Variants in RXRA observed in about 807,000 individuals in gnomAD.
RXRA encodes the protein retinoic acid receptor RXR-alpha.
In RXRA, 5 loss-of-function variants were observed where a neutral mutation model predicts 44.5. The ratio of observed to expected loss-of-function variants is 0.11; its 90% CI spans 0.06 to 0.24. RXRA has a LOEUF of 0.24. Ranked by LOEUF, RXRA falls within the 10% of genes least tolerant of loss-of-function variation. The pLI is 1.00. For missense variants in RXRA, 412 were observed against 646.5 expected (o/e 0.64, Z 3.93); for synonymous variants, 291 against 271.4 (o/e 1.07, Z -0.71).
intron 1 of RXRA, among the ~76,000 whole-genome samples, chr9:134,334,715 A>G (rs562527807): frequency 3.3e-5 from 5 of 152,208 alleles, no homozygotes; most frequent in Non-Finnish European, 7.4e-5. Flanking sequence ...TTGTTCTGAT[A>G]TGCTGTTGGC....
At chr9:134,425,002 G>A in intron 6 of RXRA, 1 of 985,446 alleles carries the variant, frequency 1.0e-6, no homozygotes, top group Non-Finnish European at 1.2e-6. Context: ...ACTTCCGCTG[G>A]GCGACAGCAA....
rs373840125 is a variant in RXRA, at chr9:134,391,038, C to G, written c.29-10594C>G. ...CTGGACTCTGTCCACCGCGTGGCCC[C>G]GGTGGCCATGCCCTGCCTATTCTAA... On this transcript the variant is annotated intron_variant, in intron 1 of 9. Transcript: ENST00000481739. 9.7e-4 allele frequency among the ~76,000 whole-genome samples: 148 copies of G among 152,176 alleles called. 1 individual carries two copies. In the East Asian group the frequency reaches 0.013, roughly 14 times the overall value.
chr9:134,409,444 TC>T (rs1341182251), intron 4 of RXRA, among the ~76,000 whole-genome samples: 3 of 152,152 alleles, frequency 2.0e-5, no homozygotes, highest in Non-Finnish European at 2.9e-5. Context: ...CCAGGGGTGG[TC>T]CCGGGCCAGC....
At chr9:134,436,380 A>C in intron 9 of RXRA, 87 bp from the exon 10 acceptor site, 2 of 1,362,986 alleles carry the variant, frequency 1.5e-6, no homozygotes, top group Non-Finnish European at 2.0e-6. Flanking sequence ...GGTATCAGAC[A>C]CAGCCCCATC....
At position 134,365,003 on chromosome 9, in the gene RXRA, G is replaced by C. The variant is rs531081536; in HGVS notation, c.29-36629G>C. Among the ~76,000 whole-genome samples, 1 of 152,380 alleles carries C rather than the reference G, an allele frequency of 6.6e-6. No homozygotes were observed. Among genetic ancestry groups the C allele is most frequent in the South Asian group, 2.1e-4 (1 of 4,830 alleles). ...CTTACTTATGAGGAGGCTGATGCTA[G>C]AGAGGGGTGTGCCCTGTCCCGGTTG... On this transcript the variant is annotated intron_variant, in intron 1 of 9. Transcript: ENST00000481739. The surrounding 1 kb of genome is among the most constrained non-coding windows in gnomAD (Gnocchi z 4.0).
At chr9:134,387,777 T>C (rs1412006246) in intron 1 of RXRA, among the ~76,000 whole-genome samples, 1 of 152,222 alleles carries the variant, frequency 6.6e-6, no homozygotes, top group East Asian at 1.9e-4. Context: ...CTGGTGACCA[T>C]GAGCCTGTCC....
intron 1 of RXRA, among the ~76,000 whole-genome samples, chr9:134,389,823 C>T (rs932371140): frequency 4.6e-5 from 7 of 152,146 alleles, no homozygotes; most frequent in South Asian, 2.1e-4. Flanking sequence ...CCCTTCCTTC[C>T]GAGGCCCCTG....
chr9:134,367,616 T>C (rs1395802075), intron 1 of RXRA, among the ~76,000 whole-genome samples: 2 of 152,186 alleles, frequency 1.3e-5, no homozygotes, highest in Non-Finnish European at 2.9e-5. Context: ...GCGGTGACCC[T>C]CGCCGGCTGG....
chr9:134,378,465 G>A (rs534118106), intron 1 of RXRA, among the ~76,000 whole-genome samples: 3 of 152,248 alleles, frequency 2.0e-5, no homozygotes, highest in South Asian at 2.1e-4. Context: ...GCCTGGTCCC[G>A]AAGGGTCCTG....
intron 1 of RXRA, among the ~76,000 whole-genome samples, chr9:134,355,962 G>T (rs963516408): frequency 6.6e-6 from 1 of 152,056 alleles, no homozygotes; most frequent in African/African-American, 2.4e-5. Flanking sequence ...CTGAGGGGGT[G>T]GGGGGCAGCT....
chr9:134,361,100 C>A (rs1219832483), intron 1 of RXRA, among the ~76,000 whole-genome samples: 1 of 152,242 alleles, frequency 6.6e-6, no homozygotes, highest in Non-Finnish European at 1.5e-5. Context: ...TGGCCCTTCG[C>A]TGTCAGACTG....
In RXRA at chr9:134,436,564, A is replaced by G; in HGVS notation, c.1339A>G (p.Ile447Val). The G allele has an allele frequency of 6.2e-7, 1 of 1,614,158 alleles. No individual in the cohort carries two copies. The highest frequency in any genetic ancestry group is 8.5e-7 in the Non-Finnish European group (1 of 1,180,028). Residue 447 changes from isoleucine to valine, a missense_variant, in exon 10 of 10, where the codon ATT becomes GTT. Around this residue, in one of 4 missense-constraint regions of RXRA, gnomAD observed 141 missense variants for 270.8 expected, o/e 0.52. Transcript: ENST00000481739. ...CTTCAAGCTCATCGGGGACACACCC[A>G]TTGACACCTTCCTTATGGAGATGCT... The part of the protein sequence containing the change: ...FFFKLIGDTP[I>V]DTFLMEMLEA...
intron 1 of RXRA, among the ~76,000 whole-genome samples, chr9:134,331,289 C>G (rs1835001012): frequency 6.6e-6 from 1 of 152,218 alleles, no homozygotes; most frequent in Non-Finnish European, 1.5e-5. Context: ...GAAATTGCGC[C>G]CTAGAGTTAC....
chr9:134,388,312 C>T (rs913754699), intron 1 of RXRA, among the ~76,000 whole-genome samples: 4 of 23,512 alleles, frequency 1.7e-4, no homozygotes, highest in African/African-American at 7.2e-4. Context: ...TGTGCATTTG[C>T]GTGCACAGGC....
intron 1 of RXRA, among the ~76,000 whole-genome samples, chr9:134,336,114 G>A (rs976785935): frequency 6.6e-6 from 1 of 152,186 alleles, no homozygotes; most frequent in African/African-American, 2.4e-5. Flanking sequence ...CGGGGCCTTC[G>A]TCAGGGGTGC....
chr9:134,430,666 T>C, intron 7 of RXRA, among the ~76,000 whole-genome samples: 1 of 152,284 alleles, frequency 6.6e-6, no homozygotes, highest in Non-Finnish European at 1.5e-5. Flanking sequence ...CAGGGTGCAG[T>C]GTGCAGTGTG....
chr9:134,331,097 T>C (rs149215165), intron 1 of RXRA, among the ~76,000 whole-genome samples: 4 of 152,136 alleles, frequency 2.6e-5, no homozygotes, highest in African/African-American at 9.7e-5. Context: ...TCTGTGGATA[T>C]AGGCCTGCCA....
At position 134,439,392 on chromosome 9, in the gene RXRA, A is replaced by T. The variant is rs1831690152; in HGVS notation, c.*2778A>T. ...AGGCTCAGGAGTGAAGATGCCACAGAGCCGGGCTCCCCTAGGCTGCGTCGG... is the reference window on the plus strand; with the variant it reads ...AGGCTCAGGAGTGAAGATGCCACAGTGCCGGGCTCCCCTAGGCTGCGTCGG... On this transcript the variant is annotated 3_prime_UTR_variant, in exon 10 of 10. Coordinates refer to ENST00000481739, the MANE Select transcript of RXRA (RefSeq NM_002957.6). 6.6e-6 allele frequency: 1 copy of T among 152,154 alleles called. No individual in the cohort carries two copies. The highest frequency in any genetic ancestry group is 1.5e-5 in the Non-Finnish European group (1 of 68,038). The allele number at this position is 152,154 out of a possible 1,614,324, so 9.4% of individuals were successfully genotyped here.
chr9:134,338,707 C>A (rs1254552928), intron 1 of RXRA, among the ~76,000 whole-genome samples: 1 of 152,206 alleles, frequency 6.6e-6, no homozygotes, highest in Admixed American at 6.5e-5. Context: ...TCGGAGGGGG[C>A]AGCTGGTGCC....
Sources: gnomAD v4.1 joint callset for allele counts (sites outside exome capture counted in the v4.1 genomes callset) on GRCh38, gnomAD v4.1.1 for gene constraint, gnomAD v4.1.1 regional missense constraint, Gnocchi (gnomAD v3.1) non-coding constraint, MANE v1.5 for transcripts, NCBI Gene and HGNC (gene_info 2026-07-23, HGNC 2026-07-21) for gene names.